Variants in RASSF8 observed in about 807,000 individuals in gnomAD.
RASSF8 encodes the protein Ras association domain family member 8, also known as ras association domain-containing protein 8.
RASSF8 carries 22 observed loss-of-function variants against 48.5 expected under a neutral mutation model. That is an observed-to-expected ratio of 0.45 (90% confidence interval 0.32 to 0.65). RASSF8 has a LOEUF of 0.65. Among genes scored for constraint, RASSF8 ranks in the 30% least tolerant of loss-of-function variants. The pLI is 0.03. For missense variants in RASSF8, 418 were observed against 489.2 expected (o/e 0.85, Z 1.37); for synonymous variants, 127 against 171.5 (o/e 0.74, Z 2.03).
chr12:26,075,069 A>G (rs766991145), downstream of RASSF8, among the ~76,000 whole-genome samples: 15 of 152,236 alleles, frequency 9.9e-5, no homozygotes, highest in Non-Finnish European at 2.1e-4. Context: ...AGTCCAGGCC[A>G]GAGGTGATGG....
chr12:26,054,957 C>T (rs761095010), intron 2 of RASSF8, among the ~76,000 whole-genome samples: 3 of 151,698 alleles, frequency 2.0e-5, no homozygotes, highest in South Asian at 2.1e-4. Context: ...AGAAAAACAG[C>T]GCATATATTG....
At chr12:26,008,885 T>C (rs914726763) in intron 2 of RASSF8, among the ~76,000 whole-genome samples, 1 of 152,206 alleles carries the variant, frequency 6.6e-6, no homozygotes, top group Non-Finnish European at 1.5e-5. Context: ...GGTCACTCTT[T>C]TATTCATCTT....
Position 26,072,509 on chromosome 12 carries a change from C to T in RASSF8, c.*3691C>T, listed in dbSNP as rs960826192. ...TATTAAACCAGCAGAAATATAAAGG[C>T]AATAAAGTATATACATATATATGGG... On this transcript the variant is annotated 3_prime_UTR_variant, in exon 6 of 6. Transcript: ENST00000689635. 2.1e-6 allele frequency: 2 copies of T among 971,672 alleles called. No individual in the cohort carries two copies. The highest frequency in any genetic ancestry group is 2.4e-6 in the Non-Finnish European group (2 of 817,954). 60.2% of individuals were successfully genotyped at this position (971,672 alleles called of 1,614,324 possible).
intron 1 of RASSF8, among the ~76,000 whole-genome samples, chr12:25,976,960 A>G (rs1042106958): frequency 2.0e-5 from 3 of 152,178 alleles, no homozygotes; most frequent in African/African-American, 4.8e-5. Context: ...TCCACAGTTT[A>G]TCCCCTCATT....
intron 2 of RASSF8, among the ~76,000 whole-genome samples, chr12:26,049,634 T>C (rs1050702196): frequency 6.6e-6 from 1 of 152,204 alleles, no homozygotes; most frequent in Non-Finnish European, 1.5e-5. Context: ...CGAAAAAATA[T>C]AATTGTCAGT....
At position 26,069,798 on chromosome 12, in the gene RASSF8, G is replaced by A. The variant is rs1177709660; in HGVS notation, c.*980G>A. 6 of 985,042 alleles carry A rather than the reference G, an allele frequency of 6.1e-6. No individual in the cohort carries two copies. The East Asian group carries it at 6.8e-4, about 112-fold the overall frequency. The allele number at this position is 985,042 out of a possible 1,614,324, so 61.0% of individuals were successfully genotyped here. A position where few individuals can be genotyped will look rare whatever the true frequency, so the allele number is the denominator to read the frequency against. The stretch of plus-strand genomic sequence containing the variant: ...CTGTTGGTGTACACACCATGGGTAA[G>A]GTATTGCTTGCACATAATTTGCTCT... On this transcript the variant is annotated 3_prime_UTR_variant, in exon 6 of 6. Transcript: ENST00000689635.
chr12:25,968,235 T>A (rs1013721406), intron 1 of RASSF8, among the ~76,000 whole-genome samples: 1 of 152,246 alleles, frequency 6.6e-6, no homozygotes, highest in Non-Finnish European at 1.5e-5. Context: ...TTTTCAGCCC[T>A]AATATAACTG....
Position 25,986,154 on chromosome 12 carries a change from G to A in RASSF8, c.-202-8883G>A, listed in dbSNP as rs137908063. ...GGGTGAGATTTTTATATCCAGTCGA[G>A]CTTCCCAGCATCCCAAGTTGGGTTC... On this transcript the variant is annotated intron_variant, in intron 1 of 5. Coordinates refer to ENST00000689635, the MANE Select transcript of RASSF8 (RefSeq NM_001394098.1). 2.6e-3 allele frequency among the ~76,000 whole-genome samples: 403 copies of A among 152,246 alleles called. 4 individuals are homozygous for A. The highest frequency in any genetic ancestry group is 9.1e-3 in the African/African-American group (379 of 41,564).
chr12:25,965,042 A>G (rs1685022764), intron 1 of RASSF8, among the ~76,000 whole-genome samples: 1 of 151,604 alleles, frequency 6.6e-6, no homozygotes, highest in African/African-American at 2.4e-5. Flanking sequence ...TCCCGGGTTC[A>G]TGCCATTCTC....
At chr12:26,074,046 CTT>C (rs896325938), downstream of RASSF8, among the ~76,000 whole-genome samples, 3 of 151,812 alleles carry the variant, frequency 2.0e-5, no homozygotes, top group African/African-American at 4.8e-5. Flanking sequence ...AAATGAGAAA[CTT>C]AAAGTCATTC....
rs1292291815 is a variant in RASSF8, at chr12:26,071,027, A to T, written c.*2209A>T. ...CTTCATCAGAATTTCCAAGCTGCCA[A>T]ATAATCTTCATAGACCTAATTACAG... is the stretch of plus-strand genomic sequence containing the variant. On this transcript the variant is annotated 3_prime_UTR_variant, in exon 6 of 6. Transcript: ENST00000689635. 3 of 985,174 alleles carry T rather than the reference A, an allele frequency of 3.0e-6. No individual in the cohort carries two copies. The African/African-American group carries it at 5.2e-5, about 17-fold the overall frequency. The allele number at this position is 985,174 out of a possible 1,614,324, so 61.0% of individuals were successfully genotyped here. A position where few individuals can be genotyped will look rare whatever the true frequency, so the allele number is the denominator to read the frequency against.
chr12:26,032,780 G>C (rs1943056254), intron 2 of RASSF8, among the ~76,000 whole-genome samples: 1 of 152,150 alleles, frequency 6.6e-6, no homozygotes, highest in South Asian at 2.1e-4. Context: ...GAGAAATTCT[G>C]TTGATGTTTG....
At chr12:26,039,309 G>C (rs189734963) in intron 2 of RASSF8, among the ~76,000 whole-genome samples, 56 of 152,206 alleles carry the variant, frequency 3.7e-4, no homozygotes, top group African/African-American at 1.3e-3. Flanking sequence ...TGTGAGACTG[G>C]GGGGGATAAT....
At chr12:26,000,718 G>T (rs1361605343) in intron 2 of RASSF8, among the ~76,000 whole-genome samples, 1 of 152,110 alleles carries the variant, frequency 6.6e-6, no homozygotes, top group African/African-American at 2.4e-5. Context: ...ACTGAATACG[G>T]TAGGCAATTG....
rs541418181 is a variant in RASSF8, at chr12:26,079,436, G to A, written c.*363G>A. 1.2e-3 allele frequency: 185 copies of A among 154,580 alleles called. 2 individuals carry two copies. Among genetic ancestry groups the A allele is most frequent in the African/African-American group, 4.1e-3 (172 of 41,514 alleles). The allele number at this position is 154,580 out of a possible 1,614,324, so 9.6% of individuals were successfully genotyped here. A position where few individuals can be genotyped will look rare whatever the true frequency, so the allele number is the denominator to read the frequency against. On this transcript the variant is annotated 3_prime_UTR_variant, in exon 6 of 6. Coordinates refer to the RASSF8 transcript ENST00000381352. ...TAACACCCATCTCTACTAAAAATATGAAACATTAGCCAGGTGTGGTGGCAC... is the reference window on the plus strand; with the variant it reads ...TAACACCCATCTCTACTAAAAATATAAAACATTAGCCAGGTGTGGTGGCAC...
intron 1 of RASSF8, among the ~76,000 whole-genome samples, chr12:25,972,981 A>AGGCTGTGT (rs925435308): frequency 3.9e-5 from 6 of 152,228 alleles, no homozygotes; most frequent in African/African-American, 1.4e-4. Flanking sequence ...CTGGCACCCA[A>AGGCTGTGT]GGCTGTGTGA....
At chr12:26,052,391 C>A (rs1477986327) in intron 2 of RASSF8, among the ~76,000 whole-genome samples, 1 of 152,162 alleles carries the variant, frequency 6.6e-6, no homozygotes. Flanking sequence ...CCTAGTGCTT[C>A]ATTGTAAAAA....
chr12:26,034,697 C>T (rs543001936), intron 2 of RASSF8, among the ~76,000 whole-genome samples: 2 of 152,100 alleles, frequency 1.3e-5, no homozygotes, highest in South Asian at 2.1e-4. Flanking sequence ...AATTAAGGAA[C>T]CTCCTACTTT....
Position 26,036,923 on chromosome 12 carries a change from T to TA in RASSF8, c.-108-18303dup, listed in dbSNP as rs1045165032. On this transcript the variant is annotated intron_variant, in intron 2 of 5. Coordinates refer to ENST00000689635, the MANE Select transcript of RASSF8 (RefSeq NM_001394098.1). ...AGAGCAAGACTCCATCACAAAAAAATAAAAAAAAAACAAAAAACTGTATGT... is the reference window on the plus strand; with the variant it reads ...AGAGCAAGACTCCATCACAAAAAAATAAAAAAAAAAACAAAAAACTGTATGT... Among the ~76,000 whole-genome samples the TA allele has an allele frequency of 2.4e-3, 329 of 134,462 alleles. 4 individuals carry two copies. Among genetic ancestry groups the TA allele is most frequent in the East Asian group, 1.4e-3 (5 of 3,468 alleles). 88.2% of individuals were successfully genotyped at this position (134,462 alleles called of 152,430 possible).
Sources: gnomAD v4.1 joint callset for allele counts (sites outside exome capture counted in the v4.1 genomes callset) on GRCh38, gnomAD v4.1.1 for gene constraint, MANE v1.5 for transcripts, NCBI Gene and HGNC (gene_info 2026-07-23, HGNC 2026-07-21) for gene names.